ERBB4: variants seen among roughly 807,000 people sequenced by gnomAD.
ERBB4 encodes receptor tyrosine-protein kinase erbB-4.
A neutral mutation model predicts 158.0 loss-of-function variants in ERBB4; 42 were observed. The ratio of observed to expected loss-of-function variants is 0.27; its 90% CI spans 0.21 to 0.34. The LOEUF (loss-of-function observed/expected upper bound fraction) is 0.34. ERBB4 is among the 10% of genes least tolerant of loss of function. The probability of loss-of-function intolerance (pLI) is 1.00; values close to 1 mark genes in which losing one functional copy is unlikely to be tolerated. For synonymous variants in ERBB4, 583 were observed against 558.7 expected (o/e 1.04, Z -0.61); for missense variants, 1,333 against 1,624.1 (o/e 0.82, Z 3.08).
At chr2:212,438,311 C>T (rs1411246671) in intron 1 of ERBB4, among the ~76,000 whole-genome samples, 7 of 152,020 alleles carry the variant, frequency 4.6e-5, no homozygotes, top group Admixed American at 2.6e-4. Flanking sequence ...GTTGTCTTCA[C>T]GTTTATAAAT....
At chr2:212,352,125 A>C (rs1489503702) in intron 1 of ERBB4, among the ~76,000 whole-genome samples, 66 of 152,284 alleles carry the variant, frequency 4.3e-4, no homozygotes, top group Middle Eastern at 3.4e-3. Context: ...ATGAGAACAT[A>C]TAGACAAAAA....
At chr2:211,910,501 A>C (rs1352162704) in intron 3 of ERBB4, among the ~76,000 whole-genome samples, 1 of 151,012 alleles carries the variant, frequency 6.6e-6, no homozygotes, top group African/African-American at 2.4e-5. Flanking sequence ...GCATGTTCCC[A>C]CTTATAAGTG....
At chr2:211,496,152 A>G (rs915397367) in intron 20 of ERBB4, among the ~76,000 whole-genome samples, 4 of 151,876 alleles carry the variant, frequency 2.6e-5, no homozygotes, top group Non-Finnish European at 5.9e-5. Context: ...TCTCTCTATC[A>G]TCCTAATTTG....
intron 1 of ERBB4, among the ~76,000 whole-genome samples, chr2:212,191,317 G>A (rs746108333): frequency 2.0e-5 from 3 of 151,944 alleles, no homozygotes; most frequent in Non-Finnish European, 4.4e-5. Context: ...GAGAACCACC[G>A]ATTTAACGAA....
intron 5 of ERBB4, among the ~76,000 whole-genome samples, chr2:211,731,180 T>A (rs72946582): frequency 4.6e-5 from 7 of 152,148 alleles, no homozygotes; most frequent in African/African-American, 1.7e-4. Context: ...CCAGCAGCTG[T>A]CTGAGTGAAA....
At chr2:212,240,651 A>AC (rs2084059466) in intron 1 of ERBB4, among the ~76,000 whole-genome samples, 2 of 145,016 alleles carry the variant, frequency 1.4e-5, no homozygotes, top group Non-Finnish European at 3.0e-5. Context: ...AAAAAAAAAA[A>AC]AAAAAAAAAA....
At chr2:211,531,494 C>G (rs1341620833) in intron 20 of ERBB4, among the ~76,000 whole-genome samples, 1 of 151,992 alleles carries the variant, frequency 6.6e-6, no homozygotes, top group Non-Finnish European at 1.5e-5. Flanking sequence ...AAAAAATGGG[C>G]AATAGATCTG....
At chr2:212,031,116 A>C (rs1008489526) in intron 2 of ERBB4, among the ~76,000 whole-genome samples, 4 of 152,094 alleles carry the variant, frequency 2.6e-5, no homozygotes, top group Admixed American at 6.6e-5. Flanking sequence ...TTCTTTGCCC[A>C]GCAAAATCTT....
chr2:211,794,266 G>A (rs1387333898), intron 3 of ERBB4, among the ~76,000 whole-genome samples: 1 of 151,876 alleles, frequency 6.6e-6, no homozygotes, highest in Non-Finnish European at 1.5e-5. Context: ...TGAGAGGTTT[G>A]CTATGACCAC....
chr2:212,244,747 C>T (rs1322581739), intron 1 of ERBB4, among the ~76,000 whole-genome samples: 1 of 152,092 alleles, frequency 6.6e-6, no homozygotes, highest in Non-Finnish European at 1.5e-5. Flanking sequence ...TCTGGTTTAA[C>T]TTTCAATTCT....
intron 20 of ERBB4, among the ~76,000 whole-genome samples, chr2:211,472,788 A>T (rs2125529697): frequency 6.6e-6 from 1 of 152,146 alleles, no homozygotes; most frequent in East Asian, 1.9e-4. Flanking sequence ...CTTGAGTGTG[A>T]ATCGGAATCA....
intron 1 of ERBB4, among the ~76,000 whole-genome samples, chr2:212,369,909 T>C (rs956549655): frequency 1.3e-5 from 2 of 152,182 alleles, no homozygotes; most frequent in Admixed American, 6.5e-5. Flanking sequence ...TCACGTCTTG[T>C]AAAATCATTG....
intron 2 of ERBB4, among the ~76,000 whole-genome samples, chr2:212,012,037 A>C (rs1314262597): frequency 6.6e-6 from 1 of 152,214 alleles, no homozygotes; most frequent in East Asian, 1.9e-4. Flanking sequence ...TTAGGATCCA[A>C]AGGTGACCAA....
chr2:212,429,252 A>G (rs1032292320), intron 1 of ERBB4: 2 of 152,178 alleles, frequency 1.3e-5, no homozygotes, highest in African/African-American at 4.8e-5. Context: ...ACAAATACTT[A>G]GTTTCACTGT....
intron 25 of ERBB4, among the ~76,000 whole-genome samples, chr2:211,389,507 A>G (rs934130293): frequency 2.6e-5 from 4 of 152,120 alleles, no homozygotes; most frequent in Non-Finnish European, 5.9e-5. Flanking sequence ...ACATGGTCTG[A>G]ACCCCTATAG....
intron 4 of ERBB4, among the ~76,000 whole-genome samples, chr2:211,786,321 T>C (rs1038077247): frequency 4.6e-5 from 7 of 152,128 alleles, no homozygotes; most frequent in Non-Finnish European, 7.4e-5. Context: ...CAAAAAACAG[T>C]CAATTCATTA....
intron 1 of ERBB4, among the ~76,000 whole-genome samples, chr2:212,157,404 T>C (rs1046517365): frequency 6.6e-6 from 1 of 152,080 alleles, no homozygotes; most frequent in Admixed American, 6.6e-5. Flanking sequence ...TGTTGTTGAA[T>C]TAATTGAATT....
At chr2:211,702,332 G>A (rs983079596) in intron 11 of ERBB4, among the ~76,000 whole-genome samples, 166 bp from the exon 12 acceptor site, 2 of 152,154 alleles carry the variant, frequency 1.3e-5, no homozygotes, top group Non-Finnish European at 2.9e-5. Context: ...AGTTTTTAAA[G>A]TAATAATTTG....
chr2:212,376,843 T>G (rs1409151257), intron 1 of ERBB4, among the ~76,000 whole-genome samples: 2 of 152,022 alleles, frequency 1.3e-5, no homozygotes, highest in African/African-American at 4.8e-5. Flanking sequence ...ATTTCATTTT[T>G]CCATGAAAGT....
Sources: allele counts gnomAD v4.1 joint callset (sites outside exome capture counted in the v4.1 genomes callset), GRCh38; gene constraint gnomAD v4.1.1; transcripts MANE v1.5; gene names NCBI Gene and HGNC (gene_info 2026-07-23, HGNC 2026-07-21).